The following CACNA2D4 variants were observed in gnomAD, a reference collection of about 807,000 sequenced individuals.
CACNA2D4 encodes voltage-dependent calcium channel subunit alpha-2/delta-4.
CACNA2D4 carries 157 observed loss-of-function variants against 163.8 expected under a neutral mutation model. The ratio of observed to expected loss-of-function variants is 0.96; its 90% CI spans 0.84 to 1.09. CACNA2D4 has a LOEUF of 1.09. Ranked by LOEUF, CACNA2D4 falls within the 50% of genes least tolerant of loss-of-function variation. CACNA2D4 has a pLI of 0.00. For missense variants in CACNA2D4, 1,410 were observed against 1,479.9 expected, an observed-to-expected ratio of 0.95 and a Z score of 0.78; for synonymous variants, 598 against 586.9, an observed-to-expected ratio of 1.02 and a Z score of -0.27.
In CACNA2D4 at chr12:1,810,538, C is replaced by G. The variant is rs981008918; in HGVS notation, c.2658+5G>C. On this transcript the variant is annotated splice_donor_5th_base_variant and intron_variant, in intron 28 of 37. Coordinates refer to ENST00000382722, the MANE Select transcript of CACNA2D4 (RefSeq NM_172364.5). ...CTCCACCTTCCTCACACGGGCAGAA[C>G]TTACACTGTCCTCGCAGCTCTGTGT... The G allele has an allele frequency of 5.2e-6, 8 of 1,553,346 alleles. No individual in the cohort carries two copies. The highest frequency in any genetic ancestry group is 7.0e-6 in the Non-Finnish European group (8 of 1,147,920).
At position 1,858,612 on chromosome 12, in the gene CACNA2D4, T is replaced by C. The variant is rs967912918; in HGVS notation, c.1973A>G (p.Glu658Gly). The C allele has an allele frequency of 1.9e-6, 3 of 1,612,314 alleles. No individual in the cohort carries two copies. The African/African-American group carries it at 4.0e-5, about 22-fold the overall frequency. The change falls in exon 20 of 38, where the codon GAA becomes GGA. Residue 658 changes from glutamate to glycine, a missense_variant. Physicochemically the swap from Glu to Gly is moderately conservative, Grantham distance 98. Transcript: ENST00000382722. ...LGVVLSRGHG[E>G]YILLGNTSVE... The stretch of plus-strand genomic sequence containing the variant: ...AGACGTGTTCCCCAGAAGGATGTAT[T>C]CTCCGTGGCCCCGGGACAGCACCAC...
intron 26 of CACNA2D4, among the ~76,000 whole-genome samples, chr12:1,819,373 G>A (rs773187535): frequency 5.3e-5 from 8 of 152,166 alleles, no homozygotes; most frequent in East Asian, 3.9e-4. Flanking sequence ...CCGGGGACCC[G>A]GCAGAACGGA....
chr12:1,797,681 G>A, intron 34 of CACNA2D4, 146 bp from the exon 35 acceptor site: 1 of 703,010 alleles, frequency 1.4e-6, no homozygotes, highest in Non-Finnish European at 2.5e-6. Context: ...CGTGGGAGGA[G>A]CCGGGCGGGG....
In CACNA2D4 at chr12:1,874,731, T is replaced by C. The variant is rs763723760; in HGVS notation, c.1807-56A>G. 2.3e-6 allele frequency: 3 copies of C among 1,280,602 alleles called. No individual in the cohort carries two copies. Among genetic ancestry groups the C allele is most frequent in the Non-Finnish European group, 3.4e-6 (3 of 877,948 alleles). The allele number at this position is 1,280,602 out of a possible 1,614,324, so 79.3% of individuals were successfully genotyped here. On this transcript the variant is annotated intron_variant, in intron 17 of 37. Transcript: ENST00000382722. The surrounding 1 kb of genome is among the most constrained non-coding windows in gnomAD (Gnocchi z 4.4). ...CTTGGCTCACAGGGGATGGTGAAAG[T>C]ATGGCATTCTTCAGACCAGATTAGA...
At chr12:1,884,524 C>T (rs1002918341) in intron 11 of CACNA2D4, among the ~76,000 whole-genome samples, 2 of 152,182 alleles carry the variant, frequency 1.3e-5, no homozygotes, top group African/African-American at 2.4e-5. Context: ...AGATTTACAG[C>T]CTGGCAGTTC....
Position 1,915,327 on chromosome 12 carries a change from G to A in CACNA2D4, c.228-392C>T, listed in dbSNP as rs181389811. The A allele has an allele frequency of 8.9e-5, 62 of 695,040 alleles. No individual in the cohort carries two copies. The African/African-American group carries it at 9.1e-4, about 10-fold the overall frequency. 43.1% of individuals were successfully genotyped at this position (695,040 alleles called of 1,614,324 possible). On this transcript the variant is annotated intron_variant, in intron 1 of 37. Coordinates refer to ENST00000382722, the MANE Select transcript of CACNA2D4 (RefSeq NM_172364.5). ...TTCTCCTGCTGAGGGTTGTGGGGCCGGGCTGACGAGCCCAGGACTGAGCTT... is the reference window on the plus strand; with the variant it reads ...TTCTCCTGCTGAGGGTTGTGGGGCCAGGCTGACGAGCCCAGGACTGAGCTT...
Position 1,878,757 on chromosome 12 carries a change from G to A in CACNA2D4, c.1644+199C>T, listed in dbSNP as rs137934560. 2.7e-3 allele frequency among the ~76,000 whole-genome samples: 404 copies of A among 152,316 alleles called. No homozygotes were observed. Among genetic ancestry groups the A allele is most frequent in the African/African-American group, 9.4e-3 (391 of 41,568 alleles). ...GGACTTACTGAAGGCCACAGAGCAA[G>A]TCATAGTTCGTGGTGGGAAAGGGAC... On this transcript the variant is annotated intron_variant, in intron 15 of 37. Coordinates refer to ENST00000382722, the MANE Select transcript of CACNA2D4 (RefSeq NM_172364.5). This position sits in a 1 kb window ranked among gnomAD's most constrained non-coding sequence, Gnocchi z 4.6.
At chr12:1,830,045 G>A (rs753970706) in intron 26 of CACNA2D4, among the ~76,000 whole-genome samples, 7 of 152,226 alleles carry the variant, frequency 4.6e-5, no homozygotes, top group Non-Finnish European at 1.0e-4. Flanking sequence ...CTACGCAGAA[G>A]GGTCTTGGGC....
At chr12:1,914,969 C>G (rs1202231963) in intron 1 of CACNA2D4, 34 bp from the exon 2 acceptor site, 1 of 1,432,842 alleles carries the variant, frequency 7.0e-7, no homozygotes, top group South Asian at 1.1e-5. Context: ...CGTATACACA[C>G]ACGTACACGC....
intron 26 of CACNA2D4, among the ~76,000 whole-genome samples, chr12:1,840,442 A>AT (rs1555180513): frequency 8.2e-6 from 1 of 121,262 alleles, no homozygotes; most frequent in Admixed American, 8.3e-5. Context: ...TATGTGGAAG[A>AT]GGGGGGTGGG....
intron 26 of CACNA2D4, among the ~76,000 whole-genome samples, chr12:1,826,965 A>G (rs1381227031): frequency 6.6e-6 from 1 of 152,210 alleles, no homozygotes; most frequent in South Asian, 2.1e-4. Flanking sequence ...CCAGAATTCC[A>G]TAGGCCCATG....
rs201053252 is a variant in CACNA2D4 at position 1,874,617 on chromosome 12, G to C, written c.1865C>G (p.Pro622Arg). Residue 622 changes from proline (P) to arginine (R), a missense_variant, in exon 18 of 38, where the codon CCG (proline) becomes CGG (arginine). Physicochemically the swap from Pro to Arg is moderately radical, Grantham distance 103. Transcript: ENST00000382722. The surrounding 1 kb of genome is among the most constrained non-coding windows in gnomAD (Gnocchi z 4.4). ...TGTLSMDVKV[P>R]MDKGKRVLFL... The stretch of plus-strand genomic sequence containing the variant: ...CTAGCTCCTTACCCCTTTATCCATC[G>C]GAACCTTCACATCCATCGAGAGAGT... 6.2e-7 allele frequency: 1 copy of C among 1,611,772 alleles called. No individual in the cohort carries two copies. Among genetic ancestry groups the C allele is most frequent in the South Asian group, 1.1e-5 (1 of 91,002 alleles).
At chr12:1,816,635 G>A (rs1444345765) in intron 26 of CACNA2D4, among the ~76,000 whole-genome samples, 1 of 152,256 alleles carries the variant, frequency 6.6e-6, no homozygotes, top group African/African-American at 2.4e-5. Flanking sequence ...GCCTCAATAA[G>A]GCCAGACCCG....
At chr12:1,899,596 C>T (rs1370880657) in intron 6 of CACNA2D4, among the ~76,000 whole-genome samples, 3 of 152,110 alleles carry the variant, frequency 2.0e-5, no homozygotes, top group Middle Eastern at 3.4e-3. Flanking sequence ...AATAGAAAGC[C>T]ACATTAGCAT....
chr12:1,873,247 G>A (rs749716114), intron 18 of CACNA2D4, among the ~76,000 whole-genome samples: 4 of 152,132 alleles, frequency 2.6e-5, no homozygotes, highest in South Asian at 2.1e-4. Context: ...CATGATCGTC[G>A]TCATCCTCAT....
intron 22 of CACNA2D4, among the ~76,000 whole-genome samples, chr12:1,854,582 T>C (rs1865361032): frequency 6.6e-6 from 1 of 152,188 alleles, no homozygotes; most frequent in Admixed American, 6.5e-5. Context: ...ATTTTTGTAA[T>C]TTTTGTAGAG....
Position 1,828,321 on chromosome 12 carries a change from G to A in CACNA2D4, c.2551+12418C>T. On this transcript the variant is annotated intron_variant, in intron 26 of 37. Transcript: ENST00000382722. The surrounding 1 kb of genome is among the most constrained non-coding windows in gnomAD (Gnocchi z 4.2). Reference sequence around the variant, plus strand: ...CTTAGCCACACTCAGGCTGCAGGGAGGCCTACGCCAGATCTTCCTGGGGTA... The same window carrying A: ...CTTAGCCACACTCAGGCTGCAGGGAAGCCTACGCCAGATCTTCCTGGGGTA... 1 of 1,017,230 alleles carries A rather than the reference G, an allele frequency of 9.8e-7. No individual in the cohort carries two copies. Among genetic ancestry groups the A allele is most frequent in the Non-Finnish European group, 1.4e-6 (1 of 724,452 alleles). 63.0% of individuals were successfully genotyped at this position (1,017,230 alleles called of 1,614,324 possible). A position where few individuals can be genotyped will look rare whatever the true frequency, so the allele number is the denominator to read the frequency against.
intron 1 of CACNA2D4, chr12:1,915,376 G>C (rs928440248): frequency 1.4e-5 from 9 of 641,678 alleles, no homozygotes; most frequent in Non-Finnish European, 2.2e-5. Context: ...CAGGGCCTCT[G>C]GTTGGAGAGT....
At chr12:1,852,182 T>G (rs1211833605) in intron 23 of CACNA2D4, among the ~76,000 whole-genome samples, 1 of 152,196 alleles carries the variant, frequency 6.6e-6, no homozygotes, top group Non-Finnish European at 1.5e-5. Flanking sequence ...AGCGACAATT[T>G]TACTTCTTTC....
Sources: allele counts gnomAD v4.1 joint callset (sites outside exome capture counted in the v4.1 genomes callset), GRCh38; gene constraint gnomAD v4.1.1; non-coding constraint Gnocchi (gnomAD v3.1); transcripts MANE v1.5; gene names NCBI Gene and HGNC (gene_info 2026-07-23, HGNC 2026-07-21).